Variants in CXCL13 observed in about 807,000 individuals in gnomAD.
The protein encoded by CXCL13 is C-X-C motif chemokine ligand 13.
CXCL13 carries 7 observed loss-of-function variants against 12.2 expected under a neutral mutation model. The ratio of observed to expected loss-of-function variants is 0.57; its 90% CI spans 0.33 to 1.07. The LOEUF (loss-of-function observed/expected upper bound fraction) is 1.07, where lower values mean the gene tolerates loss of function less well. Ranked by LOEUF, CXCL13 falls within the 50% of genes least tolerant of loss-of-function variation. The probability of loss-of-function intolerance (pLI) is 0.04; values close to 1 mark genes in which losing one functional copy is unlikely to be tolerated. For synonymous variants in CXCL13, 47 were observed against 42.4 expected, an observed-to-expected ratio of 1.11 and a Z score of -0.42; for missense variants, 113 against 127.4, an observed-to-expected ratio of 0.89 and a Z score of 0.55.
chr4:77,559,955 T>C (rs1725766488), intron 1 of CXCL13, among the ~76,000 whole-genome samples: 1 of 151,020 alleles, frequency 6.6e-6, no homozygotes, highest in Non-Finnish European at 1.5e-5. Flanking sequence ...ACGCTCAATG[T>C]GCTTTCCAAA....
chr4:77,524,737 A>G (rs894288047), intron 1 of CXCL13, among the ~76,000 whole-genome samples: 2 of 151,996 alleles, frequency 1.3e-5, no homozygotes, highest in South Asian at 2.1e-4. Flanking sequence ...CCACTGTCCA[A>G]CCAGTCCCAG....
intron 1 of CXCL13, among the ~76,000 whole-genome samples, chr4:77,590,771 G>A (rs1005804591): frequency 6.6e-6 from 1 of 152,138 alleles, no homozygotes; most frequent in Non-Finnish European, 1.5e-5. Flanking sequence ...TTTGCTCCAG[G>A]CCCCAGTACA....
intron 1 of CXCL13, among the ~76,000 whole-genome samples, chr4:77,570,620 G>A (rs1208647871): frequency 1.3e-5 from 2 of 152,218 alleles, no homozygotes; most frequent in African/African-American, 2.4e-5. Flanking sequence ...TTCTGGGCTG[G>A]CCAAGGCCAG....
chr4:77,513,630 T>G (rs2110076249), intron 1 of CXCL13, among the ~76,000 whole-genome samples: 1 of 152,170 alleles, frequency 6.6e-6, no homozygotes, highest in Admixed American at 6.5e-5. Flanking sequence ...TTTATTGTCT[T>G]TTTAGTAGAG....
At chr4:77,549,642 G>C (rs757233375) in intron 1 of CXCL13, among the ~76,000 whole-genome samples, 25 of 152,176 alleles carry the variant, frequency 1.6e-4, no homozygotes, top group African/African-American at 4.6e-4. Flanking sequence ...TTGAGCCCCT[G>C]TTTGCCTGGG....
At chr4:77,527,612 A>G (rs970010132) in intron 1 of CXCL13, among the ~76,000 whole-genome samples, 2 of 151,996 alleles carry the variant, frequency 1.3e-5, no homozygotes, top group Non-Finnish European at 2.9e-5. Context: ...AGCCTGGGTG[A>G]CAGAGTGAGA....
At chr4:77,534,978 T>C (rs1004002572) in intron 1 of CXCL13, among the ~76,000 whole-genome samples, 3 of 152,200 alleles carry the variant, frequency 2.0e-5, no homozygotes, top group African/African-American at 7.2e-5. Context: ...CCTTCCACCC[T>C]CCTGAAAACT....
At chr4:77,544,666 A>T (rs1246742109) in intron 1 of CXCL13, among the ~76,000 whole-genome samples, 5 of 152,102 alleles carry the variant, frequency 3.3e-5, no homozygotes, top group Non-Finnish European at 5.9e-5. Flanking sequence ...AGATGGGTAG[A>T]TTGCAAAAAT....
chr4:77,553,461 C>T (rs936488056), intron 1 of CXCL13, among the ~76,000 whole-genome samples: 1 of 152,232 alleles, frequency 6.6e-6, no homozygotes, highest in Non-Finnish European at 1.5e-5. Context: ...CAGTGTCTTT[C>T]CCTCATAGCA....
chr4:77,580,156 T>C (rs1204767656), intron 1 of CXCL13, among the ~76,000 whole-genome samples: 2 of 152,058 alleles, frequency 1.3e-5, no homozygotes, highest in Non-Finnish European at 2.9e-5. Context: ...AATTACATTA[T>C]TTGAGTGATA....
intron 1 of CXCL13, among the ~76,000 whole-genome samples, chr4:77,587,100 C>G (rs1578066701): frequency 6.6e-6 from 1 of 152,226 alleles, no homozygotes; most frequent in East Asian, 1.9e-4. Context: ...CCTTCCCTGT[C>G]TGGCTATAAT....
intron 1 of CXCL13, among the ~76,000 whole-genome samples, chr4:77,582,871 A>G (rs1726372659): frequency 6.6e-6 from 1 of 152,198 alleles, no homozygotes; most frequent in South Asian, 2.1e-4. Flanking sequence ...AGACAATGAA[A>G]TCAACAGAAG....
intron 1 of CXCL13, among the ~76,000 whole-genome samples, chr4:77,596,215 T>C (rs976858156): frequency 3.9e-5 from 6 of 152,222 alleles, no homozygotes; most frequent in African/African-American, 1.4e-4. Flanking sequence ...TCCATTAAGA[T>C]GATTTTCTAA....
At chr4:77,536,939 A>G (rs951734111) in intron 1 of CXCL13, among the ~76,000 whole-genome samples, 1 of 152,202 alleles carries the variant, frequency 6.6e-6, no homozygotes, top group African/African-American at 2.4e-5. Flanking sequence ...GTGAGACATT[A>G]TTAGAGCATA....
chr4:77,512,161 A>G (rs1159627140), intron 1 of CXCL13, among the ~76,000 whole-genome samples: 1 of 152,158 alleles, frequency 6.6e-6, no homozygotes, highest in Admixed American at 6.5e-5. Flanking sequence ...AATGAGAAAC[A>G]GGGAAACTAA....
chr4:77,528,209 T>C (rs945516777), intron 1 of CXCL13, among the ~76,000 whole-genome samples: 1 of 152,208 alleles, frequency 6.6e-6, no homozygotes. Flanking sequence ...TCCAAGTCTT[T>C]GCTATTGTGA....
Position 77,579,015 on chromosome 4 carries a change from C to T in CXCL13, c.-42-26809C>T, listed in dbSNP as rs1203525618. On this transcript the variant is annotated intron_variant, in intron 1 of 4. Coordinates refer to the CXCL13 transcript ENST00000286758. ...TTCCTTCATCATCTTTTCTTTGATC[C>T]TGCCCCAGCAAATGAGAACTTGAGG... 2.0e-5 allele frequency among the ~76,000 whole-genome samples: 3 copies of T among 152,320 alleles called. No homozygotes were observed. In the East Asian group the frequency reaches 5.8e-4, roughly 29 times the overall value.
chr4:77,610,577 T>C lies in CXCL13; in HGVS notation c.198-37T>C. 2.8e-6 allele frequency: 4 copies of C among 1,450,616 alleles called. No individual in the cohort carries two copies. In the South Asian group the frequency reaches 4.6e-5, roughly 17 times the overall value. The allele number at this position is 1,450,616 out of a possible 1,614,324, so 89.9% of individuals were successfully genotyped here. On this transcript the variant is annotated intron_variant, in intron 2 of 3. Transcript: ENST00000682537. ...ATTAAAAGTATAGGATTGACTAAAATGTAAGACTGAATTATTTAATTTTTA... is the reference window on the plus strand; with the variant it reads ...ATTAAAAGTATAGGATTGACTAAAACGTAAGACTGAATTATTTAATTTTTA...
intron 1 of CXCL13, among the ~76,000 whole-genome samples, chr4:77,561,243 T>C (rs1725803424): frequency 6.6e-6 from 1 of 152,214 alleles, no homozygotes; most frequent in South Asian, 2.1e-4. Flanking sequence ...CCTGGAGGCC[T>C]GTTAGAAATG....
Sources: allele counts gnomAD v4.1 joint callset (sites outside exome capture counted in the v4.1 genomes callset), GRCh38; gene constraint gnomAD v4.1.1; transcripts MANE v1.5; gene names NCBI Gene and HGNC (gene_info 2026-07-23, HGNC 2026-07-21).